Variants in C12orf56 observed in about 807,000 individuals in gnomAD.
C12orf56 encodes the protein chromosome 12 open reading frame 56.
Under a neutral mutation model 69.9 loss-of-function variants are expected in C12orf56, and 71 were observed. The observed-to-expected ratio is 1.02, with a 90% CI of 0.84 to 1.24. C12orf56 has a LOEUF of 1.24. Among genes scored for constraint, C12orf56 ranks in the 50% most tolerant of loss-of-function variants. The pLI, the probability that C12orf56 is intolerant of heterozygous loss-of-function variation, is 0.00. For missense variants in C12orf56, 732 were observed against 738.5 expected (o/e 0.99, Z 0.10); for synonymous variants, 276 against 274.1 (o/e 1.01, Z -0.07).
chr12:64,390,718 C>T lies in C12orf56; in HGVS notation c.-153G>A, dbSNP rs1315731944. 1 of 1,140,254 alleles carries T rather than the reference C, an allele frequency of 8.8e-7. No homozygotes were observed. Among genetic ancestry groups the T allele is most frequent in the Non-Finnish European group, 1.2e-6 (1 of 864,930 alleles). The allele number at this position is 1,140,254 out of a possible 1,614,324, so 70.6% of individuals were successfully genotyped here. On this transcript the variant is annotated 5_prime_UTR_variant, in exon 1 of 13. Transcript: ENST00000543942. ...GGACCCGGGCCGCAACTGCAGGAAT[C>T]GACGCTAGGTCGGCTTCCCTGGAGC...
At chr12:64,310,069 G>A (rs547847364) in intron 5 of C12orf56, among the ~76,000 whole-genome samples, 2 of 151,364 alleles carry the variant, frequency 1.3e-5, no homozygotes, top group South Asian at 4.2e-4. Context: ...TCAGGCTGGA[G>A]TGCGGCGGTG....
At chr12:64,382,262 C>CA (rs55714337) in intron 1 of C12orf56, among the ~76,000 whole-genome samples, 57 of 97,662 alleles carry the variant, frequency 5.8e-4, no homozygotes, top group East Asian at 4.5e-3. Flanking sequence ...ACTCTTGTCT[C>CA]AAAAAAAAAA....
chr12:64,364,451 T>C (rs891954154), intron 1 of C12orf56, among the ~76,000 whole-genome samples: 4 of 152,120 alleles, frequency 2.6e-5, no homozygotes, highest in African/African-American at 4.8e-5. Context: ...TGAAGAGGCA[T>C]TGGGGGTGCT....
intron 2 of C12orf56, among the ~76,000 whole-genome samples, chr12:64,344,074 G>A (rs2039109855): frequency 6.6e-6 from 1 of 152,050 alleles, no homozygotes; most frequent in African/African-American, 2.4e-5. Context: ...TGATGTCTTG[G>A]GTCCCCTGGA....
chr12:64,272,741 T>C (rs1038507271), intron 11 of C12orf56, among the ~76,000 whole-genome samples: 3 of 152,150 alleles, frequency 2.0e-5, no homozygotes, highest in Admixed American at 6.5e-5. Context: ...TGAATGACTA[T>C]AACTTTCAAA....
chr12:64,336,063 C>T (rs755375414), intron 2 of C12orf56, among the ~76,000 whole-genome samples: 27 of 152,150 alleles, frequency 1.8e-4, no homozygotes, highest in Non-Finnish European at 3.5e-4. Flanking sequence ...CTTTAGGACA[C>T]ATATTGCAGA....
At chr12:64,338,516 C>T in intron 2 of C12orf56, 1 of 1,162,560 alleles carries the variant, frequency 8.6e-7, no homozygotes, top group Non-Finnish European at 1.3e-6. Flanking sequence ...CTGGTACAAA[C>T]CTGTGGTAAG....
At chr12:64,329,982 A>G (rs1280144549) in intron 3 of C12orf56, among the ~76,000 whole-genome samples, 2 of 152,026 alleles carry the variant, frequency 1.3e-5, no homozygotes, top group East Asian at 3.9e-4. Flanking sequence ...TGCTGCAATA[A>G]ACATACGTGT....
intron 1 of C12orf56, among the ~76,000 whole-genome samples, chr12:64,358,482 A>AATAATAATCATCATCATCATCATCATC (rs11275269): frequency 2.4e-4 from 30 of 125,940 alleles, no homozygotes; most frequent in Admixed American, 7.7e-4. Context: ...TAATAATAAT[A>AATAATAATCATCATCATCATCATCATC]ATCATCATCA....
In C12orf56 at chr12:64,381,996, T is replaced by C. The variant is rs2039724873; in HGVS notation, c.252+8318A>G. 3.3e-5 allele frequency among the ~76,000 whole-genome samples: 5 copies of C among 152,134 alleles called. No homozygotes were observed. In the South Asian group the frequency reaches 1.0e-3, roughly 32 times the overall value. On this transcript the variant is annotated intron_variant, in intron 1 of 12. Transcript: ENST00000543942. ...AATAAACTCAGCAGGGCGCGGTGGCTCACGCCTGTAATCCCAGCACTTTGG... is the reference window on the plus strand; with the variant it reads ...AATAAACTCAGCAGGGCGCGGTGGCCCACGCCTGTAATCCCAGCACTTTGG...
chr12:64,358,591 C>G (rs555745926), intron 1 of C12orf56, among the ~76,000 whole-genome samples: 2 of 151,296 alleles, frequency 1.3e-5, no homozygotes, highest in Non-Finnish European at 2.9e-5. Context: ...GTCAGGAGTT[C>G]GAGACCAGCC....
At chr12:64,313,179 A>G (rs1455740232) in intron 4 of C12orf56, among the ~76,000 whole-genome samples, 11 of 150,254 alleles carry the variant, frequency 7.3e-5, no homozygotes, top group Admixed American at 2.0e-4. Context: ...GGAGAATGGC[A>G]TGAACCCGGG....
chr12:64,348,201 C>T (rs1170994710), intron 2 of C12orf56, among the ~76,000 whole-genome samples: 1 of 152,092 alleles, frequency 6.6e-6, no homozygotes, highest in Non-Finnish European at 1.5e-5. Flanking sequence ...TTGCTTGAAC[C>T]TGGGAGGCAG....
chr12:64,312,608 C>CAA, intron 5 of C12orf56, 71 bp downstream of exon 5: 1 of 1,175,332 alleles, frequency 8.5e-7, no homozygotes, highest in East Asian at 2.6e-5. Context: ...GACTCAGTTT[C>CAA]AAAAAAAAGG....
chr12:64,321,851 T>A (rs1049027220), intron 3 of C12orf56, among the ~76,000 whole-genome samples: 3 of 152,066 alleles, frequency 2.0e-5, no homozygotes, highest in Admixed American at 2.0e-4. Context: ...ATGATGTGTT[T>A]GGATGTGGAA....
intron 4 of C12orf56, among the ~76,000 whole-genome samples, chr12:64,316,939 A>G (rs12308116): frequency 0.05 from 7,660 of 152,304 alleles, 201 homozygotes; most frequent in Non-Finnish European, 0.057. Context: ...CATCTGCTGC[A>G]TAATTTAAAA....
chr12:64,313,868 C>T (rs11175336), intron 4 of C12orf56, among the ~76,000 whole-genome samples: 62,393 of 150,550 alleles, frequency 0.41, 12,989 homozygotes, highest in African/African-American at 0.43. Flanking sequence ...CATGGTGAAA[C>T]CCCATCTCTA....
Position 64,279,562 on chromosome 12 carries a change from C to A in C12orf56, c.1311-1759G>T, listed in dbSNP as rs2038097323. Among the ~76,000 whole-genome samples, 4 of 151,998 alleles carry A rather than the reference C, an allele frequency of 2.6e-5. No individual in the cohort carries two copies. The South Asian group carries it at 8.3e-4, about 32-fold the overall frequency. On this transcript the variant is annotated intron_variant, in intron 8 of 12. Transcript: ENST00000543942. ...AAAAAAGGAGGGTGAGTATAAATACCCTTGTTTAGTAGGATCTGAGGCTTT... is the reference window on the plus strand; with the variant it reads ...AAAAAAGGAGGGTGAGTATAAATACACTTGTTTAGTAGGATCTGAGGCTTT...
intron 4 of C12orf56, among the ~76,000 whole-genome samples, chr12:64,314,055 A>C (rs2038658449): frequency 6.6e-6 from 1 of 151,608 alleles, no homozygotes; most frequent in African/African-American, 2.4e-5. Flanking sequence ...AAAAAAAAAA[A>C]AAAAAAAAAA....
Sources: gnomAD v4.1 joint callset for allele counts (sites outside exome capture counted in the v4.1 genomes callset) on GRCh38, gnomAD v4.1.1 for gene constraint, MANE v1.5 for transcripts, NCBI Gene and HGNC (gene_info 2026-07-23, HGNC 2026-07-21) for gene names.